COL24A1: variants seen among roughly 807,000 people sequenced by gnomAD.
The protein encoded by COL24A1 is collagen type XXIV alpha 1 chain.
In COL24A1, 224 loss-of-function variants were observed where a neutral mutation model predicts 253.9. That is an observed-to-expected ratio of 0.88 (90% CI 0.79 to 0.99). COL24A1 has a LOEUF of 0.99. Among genes scored for constraint, COL24A1 ranks in the 50% least tolerant of loss-of-function variants. The pLI, the probability that COL24A1 is intolerant of heterozygous loss-of-function variation, is 0.00. For missense variants in COL24A1, 2,131 were observed against 2,068.5 expected (o/e 1.03, Z -0.59); for synonymous variants, 685 against 673.7 (o/e 1.02, Z -0.26).
At chr1:85,896,455 T>C (rs974694173) in intron 28 of COL24A1, 46 bp from the exon 29 acceptor site, 10 of 1,524,782 alleles carry the variant, frequency 6.6e-6, no homozygotes, top group South Asian at 2.3e-5. Context: ...AATGTTCCTT[T>C]TTTTTTCTTA....
At chr1:85,893,900 C>T (rs114966007) in intron 31 of COL24A1, among the ~76,000 whole-genome samples, 135 of 152,282 alleles carry the variant, frequency 8.9e-4, no homozygotes, top group Non-Finnish European at 1.7e-3. Flanking sequence ...GCCTCTGCCT[C>T]CCAAAGTGCT....
At chr1:85,883,469 C>T (rs1168511550) in intron 32 of COL24A1, among the ~76,000 whole-genome samples, 4 of 152,132 alleles carry the variant, frequency 2.6e-5, no homozygotes, top group South Asian at 4.2e-4. Flanking sequence ...AATCTACCTG[C>T]CTCGGCCTCC....
chr1:85,972,276 C>T (rs1416854254), intron 20 of COL24A1, among the ~76,000 whole-genome samples: 1 of 151,896 alleles, frequency 6.6e-6, no homozygotes, highest in East Asian at 1.9e-4. Context: ...AGCAAATCTA[C>T]TCAGGTCACT....
rs1238024018 is a variant in COL24A1, at chr1:85,944,490, T to A, written c.2562+16759A>T. Among the ~76,000 whole-genome samples the A allele has an allele frequency of 3.3e-5, 5 of 152,184 alleles. No individual in the cohort carries two copies. The East Asian group carries it at 9.6e-4, about 29-fold the overall frequency. On this transcript the variant is annotated intron_variant, in intron 24 of 59. Coordinates refer to ENST00000370571, the MANE Select transcript of COL24A1 (RefSeq NM_152890.7). ...TTTAAAAAAATTTTAAATTATTCTT[T>A]CCAGAATTATATTTTCGGATTTGAT...
At chr1:85,917,507 T>C (rs1686010606) in intron 24 of COL24A1, among the ~76,000 whole-genome samples, 1 of 152,108 alleles carries the variant, frequency 6.6e-6, no homozygotes, top group Admixed American at 6.5e-5. Context: ...TTTTTATATA[T>C]TTGAAGTATA....
intron 24 of COL24A1, among the ~76,000 whole-genome samples, chr1:85,926,230 G>C (rs1342088064): frequency 7.2e-5 from 11 of 152,196 alleles, no homozygotes; most frequent in Admixed American, 3.9e-4. Context: ...GCTGGTGGGA[G>C]TGTAAACTAG....
intron 45 of COL24A1, among the ~76,000 whole-genome samples, chr1:85,822,196 T>G (rs1673702597): frequency 6.6e-6 from 1 of 152,224 alleles, no homozygotes; most frequent in African/African-American, 2.4e-5. Flanking sequence ...GCCAAGACTA[T>G]ACAAAATGGG....
intron 43 of COL24A1, among the ~76,000 whole-genome samples, chr1:85,831,309 G>C (rs532295294): frequency 1.3e-5 from 2 of 152,060 alleles, no homozygotes; most frequent in Admixed American, 1.3e-4. Context: ...GTAAGAGTGA[G>C]AATATGAGCA....
At chr1:86,104,796 G>C (rs1438022613) in intron 5 of COL24A1, among the ~76,000 whole-genome samples, 1 of 152,212 alleles carries the variant, frequency 6.6e-6, no homozygotes, top group Non-Finnish European at 1.5e-5. Context: ...CATTCCAATG[G>C]GTAGTGCTAG....
chr1:85,969,175 C>A (rs532494440), intron 22 of COL24A1, among the ~76,000 whole-genome samples: 1 of 152,226 alleles, frequency 6.6e-6, no homozygotes, highest in African/African-American at 2.4e-5. Flanking sequence ...ACCAGTTTTT[C>A]TGTTAAATAA....
At position 86,125,622 on chromosome 1, in the gene COL24A1, C is replaced by CA; in HGVS notation, c.713dup (p.Lys239GlufsTer13). On this transcript the variant is annotated frameshift_variant, in exon 3 of 60. Coordinates refer to ENST00000370571, the MANE Select transcript of COL24A1 (RefSeq NM_152890.7). LOFTEE classifies it high-confidence loss of function. ...TGTCTGCTTGGCGACACTGCTGTTTCACATATCTGCAGTAGTCTGCAGATG... is the reference window on the plus strand; with the variant it reads ...TGTCTGCTTGGCGACACTGCTGTTTCAACATATCTGCAGTAGTCTGCAGATG... 1 of 1,613,168 alleles carries CA rather than the reference C, an allele frequency of 6.2e-7. No individual in the cohort carries two copies. Among genetic ancestry groups the CA allele is most frequent in the Non-Finnish European group, 8.5e-7 (1 of 1,179,540 alleles).
At chr1:85,868,951 A>G (rs773721123) in intron 35 of COL24A1, 116 bp from the exon 36 acceptor site, 2 of 622,186 alleles carry the variant, frequency 3.2e-6, no homozygotes, top group Non-Finnish European at 5.4e-6. Flanking sequence ...ACTTATTTCT[A>G]CTACTTTATT....
intron 7 of COL24A1, among the ~76,000 whole-genome samples, chr1:86,077,067 AG>A (rs1702303731): frequency 6.6e-6 from 1 of 152,136 alleles, no homozygotes; most frequent in Non-Finnish European, 1.5e-5. Context: ...CCTACAGGAC[AG>A]GAGAAAATTT....
intron 20 of COL24A1, among the ~76,000 whole-genome samples, chr1:85,971,699 T>G (rs1472994481): frequency 6.6e-6 from 1 of 152,158 alleles, no homozygotes; most frequent in Non-Finnish European, 1.5e-5. Flanking sequence ...AATGTTAAAC[T>G]GATAAGAGTA....
chr1:86,029,254 G>C (rs1454967272), intron 14 of COL24A1, among the ~76,000 whole-genome samples: 3 of 152,102 alleles, frequency 2.0e-5, no homozygotes, highest in Non-Finnish European at 4.4e-5. Context: ...AGGTGGTACA[G>C]ACCAACGAAA....
chr1:86,132,093 A>T (rs929360395), intron 2 of COL24A1, among the ~76,000 whole-genome samples: 2 of 152,046 alleles, frequency 1.3e-5, no homozygotes, highest in East Asian at 3.8e-4. Context: ...TGTGATTTTG[A>T]TTTGCATTTC....
chr1:85,823,840 A>G (rs72952517), intron 43 of COL24A1, 102 bp from the exon 44 acceptor site: 22 of 1,003,778 alleles, frequency 2.2e-5, no homozygotes, highest in Non-Finnish European at 2.8e-5. Context: ...TGCAAAGCTC[A>G]ACTTAAATGT....
At chr1:85,740,724 G>A (rs1014250333) in intron 57 of COL24A1, among the ~76,000 whole-genome samples, 1 of 151,450 alleles carries the variant, frequency 6.6e-6, no homozygotes, top group Admixed American at 6.6e-5. Flanking sequence ...TGTCCACCTC[G>A]GTCTCCCAAA....
intron 47 of COL24A1, among the ~76,000 whole-genome samples, chr1:85,798,778 A>G (rs568008202): frequency 1.3e-5 from 2 of 152,340 alleles, no homozygotes; most frequent in South Asian, 2.1e-4. Flanking sequence ...GTTCACCTGG[A>G]AAACTGCAAA....
Sources: allele counts gnomAD v4.1 joint callset (sites outside exome capture counted in the v4.1 genomes callset), GRCh38; gene constraint gnomAD v4.1.1; transcripts MANE v1.5; gene names NCBI Gene and HGNC (gene_info 2026-07-23, HGNC 2026-07-21).